The following SORCS3 variants were observed in gnomAD, a reference collection of about 807,000 sequenced individuals.
SORCS3 encodes VPS10 domain-containing receptor SorCS3.
In SORCS3, 57 loss-of-function variants were observed where a neutral mutation model predicts 146.3. That is an observed-to-expected ratio of 0.39 (90% CI 0.31 to 0.49). SORCS3 has a LOEUF of 0.49. SORCS3 is among the 20% of genes least tolerant of loss of function. The probability of loss-of-function intolerance (pLI) is 0.92; values close to 1 mark genes in which losing one functional copy is unlikely to be tolerated. For missense variants in SORCS3, 1,341 were observed against 1,575.5 expected (o/e 0.85, Z 2.52); for synonymous variants, 653 against 618.5 (o/e 1.06, Z -0.83).
intron 1 of SORCS3, among the ~76,000 whole-genome samples, chr10:104,811,318 T>C (rs1367991969): frequency 1.3e-5 from 2 of 152,190 alleles, no homozygotes; most frequent in Non-Finnish European, 2.9e-5. Flanking sequence ...TTACTCTAAG[T>C]TGCACATGCA....
At chr10:105,014,072 T>TATATATATATACACACATATATATAC (rs2055150583) in intron 4 of SORCS3, among the ~76,000 whole-genome samples, 8 of 93,644 alleles carry the variant, frequency 8.5e-5, no homozygotes, top group South Asian at 4.1e-4. Flanking sequence ...AATATACATA[T>TATATATATATACACACATATATATAC]ATATATATAT....
intron 1 of SORCS3, among the ~76,000 whole-genome samples, chr10:104,782,059 T>C (rs1317244863): frequency 6.6e-6 from 1 of 152,248 alleles, no homozygotes; most frequent in African/African-American, 2.4e-5. Context: ...CACTCACAAA[T>C]GTGCTTGGGC....
chr10:104,883,708 G>A (rs944391241), intron 2 of SORCS3, among the ~76,000 whole-genome samples: 37 of 152,132 alleles, frequency 2.4e-4, no homozygotes, highest in African/African-American at 8.7e-4. Context: ...TGAATGCTCT[G>A]AAAGGAGACA....
intron 3 of SORCS3, among the ~76,000 whole-genome samples, chr10:104,969,966 G>A (rs1157223568): frequency 2.6e-5 from 4 of 152,100 alleles, no homozygotes; most frequent in Non-Finnish European, 5.9e-5. Context: ...ATAAAATAAA[G>A]TTCATTTATG....
chr10:104,831,684 T>C (rs993934498), intron 1 of SORCS3, among the ~76,000 whole-genome samples: 1 of 152,222 alleles, frequency 6.6e-6, no homozygotes, highest in Non-Finnish European at 1.5e-5. Context: ...AGGACCTCTT[T>C]CTTTCAGTGT....
chr10:105,098,728 C>T (rs185359307), intron 6 of SORCS3, among the ~76,000 whole-genome samples: 14 of 152,302 alleles, frequency 9.2e-5, no homozygotes, highest in African/African-American at 3.4e-4. Context: ...CCAAACAACA[C>T]AGAATGAGCA....
At chr10:104,709,828 T>C (rs1203371602) in intron 1 of SORCS3, among the ~76,000 whole-genome samples, 1 of 152,216 alleles carries the variant, frequency 6.6e-6, no homozygotes, top group Non-Finnish European at 1.5e-5. Flanking sequence ...AGCCTGCATT[T>C]TGGTTCCTTA....
intron 4 of SORCS3, among the ~76,000 whole-genome samples, chr10:105,019,208 C>T (rs567657336): frequency 3.9e-5 from 6 of 152,124 alleles, no homozygotes; most frequent in Non-Finnish European, 7.4e-5. Context: ...CTTCAGAAGC[C>T]ATTTCTACTC....
chr10:105,255,114 G>T (rs996680573), intron 23 of SORCS3, among the ~76,000 whole-genome samples: 1 of 151,180 alleles, frequency 6.6e-6, no homozygotes, highest in Non-Finnish European at 1.5e-5. Flanking sequence ...CGTGAACCCG[G>T]GGGGGCGGAG....
intron 1 of SORCS3, among the ~76,000 whole-genome samples, chr10:104,823,623 C>T (rs542024335): frequency 1.4e-3 from 217 of 152,226 alleles, no homozygotes; most frequent in Admixed American, 2.4e-3. Flanking sequence ...AGTGCAGGTC[C>T]TAAAAGGTCA....
chr10:104,925,374 T>C (rs1310824612), intron 3 of SORCS3, among the ~76,000 whole-genome samples: 2 of 152,208 alleles, frequency 1.3e-5, no homozygotes, highest in African/African-American at 4.8e-5. Context: ...TTAAACCACT[T>C]AATTTTTTTG....
At chr10:104,985,490 G>T (rs953413018) in intron 4 of SORCS3, among the ~76,000 whole-genome samples, 1 of 152,068 alleles carries the variant, frequency 6.6e-6, no homozygotes, top group African/African-American at 2.4e-5. Context: ...CTTCTTTCAA[G>T]CTCCTGTTCA....
intron 1 of SORCS3, among the ~76,000 whole-genome samples, chr10:104,674,875 A>G (rs2015896352): frequency 6.6e-6 from 1 of 152,192 alleles, no homozygotes; most frequent in Non-Finnish European, 1.5e-5. Flanking sequence ...AATATATCCA[A>G]ATTATCTATC....
chr10:105,134,686 T>C (rs537605406), intron 7 of SORCS3, among the ~76,000 whole-genome samples: 3 of 152,210 alleles, frequency 2.0e-5, no homozygotes, highest in African/African-American at 7.2e-5. Flanking sequence ...ACTGTTGCAA[T>C]GGGGATTAAG....
At chr10:105,116,445 A>AT (rs1197911814) in intron 7 of SORCS3, among the ~76,000 whole-genome samples, 1 of 152,220 alleles carries the variant, frequency 6.6e-6, no homozygotes, top group East Asian at 1.9e-4. Flanking sequence ...GGGAATGTAA[A>AT]TTAGTTCAGT....
chr10:105,063,922 C>T (rs2055504887), intron 5 of SORCS3, among the ~76,000 whole-genome samples: 1 of 152,252 alleles, frequency 6.6e-6, no homozygotes, highest in African/African-American at 2.4e-5. Context: ...CCAGTCGCAG[C>T]TCTGCGGTGT....
intron 1 of SORCS3, among the ~76,000 whole-genome samples, chr10:104,708,340 G>A (rs2016371521): frequency 6.6e-6 from 1 of 152,074 alleles, no homozygotes; most frequent in Admixed American, 6.5e-5. Flanking sequence ...CCTTCCTGAT[G>A]GCACTGCATG....
intron 1 of SORCS3, among the ~76,000 whole-genome samples, chr10:104,669,864 A>C (rs1174960748): frequency 6.6e-6 from 1 of 151,264 alleles, no homozygotes. Flanking sequence ...GAAGTCTTCC[A>C]ATTTCTCCAC....
chr10:104,962,180 G>A (rs1308715600), intron 3 of SORCS3, among the ~76,000 whole-genome samples: 10 of 152,104 alleles, frequency 6.6e-5, no homozygotes. Context: ...GGGACTTGAA[G>A]GAAGGCAGGG....
Sources: gnomAD v4.1 joint callset for allele counts (sites outside exome capture counted in the v4.1 genomes callset) on GRCh38, gnomAD v4.1.1 for gene constraint, MANE v1.5 for transcripts, NCBI Gene and HGNC (gene_info 2026-07-23, HGNC 2026-07-21) for gene names.